GPC6: variants seen among roughly 807,000 people sequenced by gnomAD.
GPC6 encodes the protein glypican-6.
In GPC6, 14 loss-of-function variants were observed where a neutral mutation model predicts 55.2. That is an observed-to-expected ratio of 0.25 (90% CI 0.17 to 0.40). The LOEUF (loss-of-function observed/expected upper bound fraction) is 0.40, where lower values mean the gene tolerates loss of function less well. Ranked by LOEUF, GPC6 falls within the 10% of genes least tolerant of loss-of-function variation. The pLI is 1.00. For missense variants in GPC6, 641 were observed against 708.5 expected (o/e 0.90, Z 1.08); for synonymous variants, 278 against 259.6 (o/e 1.07, Z -0.68).
chr13:93,468,029 A>G (rs1878979026), intron 1 of GPC6, among the ~76,000 whole-genome samples: 2 of 152,156 alleles, frequency 1.3e-5, no homozygotes, highest in Admixed American at 1.3e-4. Flanking sequence ...TGATTTTTTT[A>G]TCCACAGATA....
At chr13:93,231,343 A>AGTCTGGTATTAT (rs1876009750) in intron 1 of GPC6, among the ~76,000 whole-genome samples, 1 of 42,208 alleles carries the variant, frequency 2.4e-5, no homozygotes, top group Non-Finnish European at 4.7e-5. Flanking sequence ...ATATATATAT[A>AGTCTGGTATTAT]TACATATATA....
intron 3 of GPC6, among the ~76,000 whole-genome samples, chr13:93,898,321 C>T (rs889780329): frequency 6.6e-6 from 1 of 152,066 alleles, no homozygotes; most frequent in African/African-American, 2.4e-5. Context: ...CCTCTGTGGG[C>T]TCACATTCTA....
At chr13:94,222,413 G>A (rs1890411190) in intron 4 of GPC6, among the ~76,000 whole-genome samples, 1 of 152,040 alleles carries the variant, frequency 6.6e-6, no homozygotes, top group African/African-American at 2.4e-5. Context: ...TTTTGCTTCT[G>A]GAGAACATGT....
chr13:93,258,322 G>A (rs1877025320), intron 1 of GPC6, among the ~76,000 whole-genome samples: 2 of 152,114 alleles, frequency 1.3e-5, no homozygotes, highest in Non-Finnish European at 2.9e-5. Flanking sequence ...AGGTAGCAGT[G>A]GCCAAATGGC....
At chr13:94,074,640 T>C (rs1884844985) in intron 4 of GPC6, among the ~76,000 whole-genome samples, 1 of 152,206 alleles carries the variant, frequency 6.6e-6, no homozygotes, top group Admixed American at 6.5e-5. Context: ...GAGCAGACAA[T>C]TACCCCAAAT....
At chr13:93,589,725 G>A (rs932572642) in intron 2 of GPC6, among the ~76,000 whole-genome samples, 1 of 152,164 alleles carries the variant, frequency 6.6e-6, no homozygotes, top group African/African-American at 2.4e-5. Flanking sequence ...ATTAGTAAAT[G>A]CATTTATTGT....
chr13:93,801,502 G>A (rs1438252858), intron 2 of GPC6, among the ~76,000 whole-genome samples: 3 of 152,092 alleles, frequency 2.0e-5, no homozygotes, highest in African/African-American at 7.2e-5. Flanking sequence ...AGCAGGATAG[G>A]ATATGCTTTG....
intron 3 of GPC6, among the ~76,000 whole-genome samples, chr13:93,913,270 G>C (rs79324942): frequency 6.6e-6 from 1 of 152,196 alleles, no homozygotes; most frequent in Non-Finnish European, 1.5e-5. Context: ...CCAAAGGCGA[G>C]GAATGTGCCG....
intron 3 of GPC6, among the ~76,000 whole-genome samples, chr13:93,906,161 A>G (rs1463791047): frequency 6.6e-6 from 1 of 151,674 alleles, no homozygotes; most frequent in Non-Finnish European, 1.5e-5. Context: ...TTTCTCTCTC[A>G]TTCTCTCTCT....
intron 1 of GPC6, among the ~76,000 whole-genome samples, chr13:93,317,647 C>T (rs1472085255): frequency 6.6e-6 from 1 of 152,158 alleles, no homozygotes; most frequent in Admixed American, 6.6e-5. Flanking sequence ...TGCTGAACCT[C>T]TGTGGTGCCT....
At chr13:93,507,174 A>G (rs1404765672) in intron 1 of GPC6, among the ~76,000 whole-genome samples, 2 of 151,952 alleles carry the variant, frequency 1.3e-5, no homozygotes, top group Non-Finnish European at 2.9e-5. Flanking sequence ...TAAACAGGAA[A>G]GTAGGAAAGT....
chr13:93,941,669 C>A (rs1321845198), intron 3 of GPC6, among the ~76,000 whole-genome samples: 1 of 152,174 alleles, frequency 6.6e-6, no homozygotes, highest in African/African-American at 2.4e-5. Context: ...TGTGGAGATT[C>A]TTTGACTGTC....
At chr13:93,658,254 C>T (rs1239148839) in intron 2 of GPC6, among the ~76,000 whole-genome samples, 1 of 151,974 alleles carries the variant, frequency 6.6e-6, no homozygotes, top group African/African-American at 2.4e-5. Context: ...ATTTCTCTTA[C>T]AATTCATTGT....
At position 93,982,855 on chromosome 13, in the gene GPC6, C is replaced by A. The variant is rs1208160389; in HGVS notation, c.712-44874C>A. The stretch of plus-strand genomic sequence containing the variant: ...TAGGGTCAGACTGCAGCTCTACTTC[C>A]CATAGCTATACTCAAAAGATTATAA... On this transcript the variant is annotated intron_variant, in intron 3 of 8. Transcript: ENST00000377047. Among the ~76,000 whole-genome samples, 3 of 152,118 alleles carry A rather than the reference C, an allele frequency of 2.0e-5. No homozygotes were observed. In the East Asian group the frequency reaches 5.8e-4, roughly 29 times the overall value.
rs1879208482 is a variant in GPC6 at position 93,315,243 on chromosome 13, G to A, written c.160+87627G>A. ...AGAGATATGTTGTTTGTTATGAACA[G>A]GATGTTACTATGAAATTTTTTGAAG... is the stretch of plus-strand genomic sequence containing the variant. On this transcript the variant is annotated intron_variant, in intron 1 of 8. Coordinates refer to ENST00000377047, the MANE Select transcript of GPC6 (RefSeq NM_005708.5). 3.3e-5 allele frequency among the ~76,000 whole-genome samples: 5 copies of A among 152,032 alleles called. No homozygotes were observed. In the East Asian group the frequency reaches 5.8e-4, roughly 18 times the overall value.
rs181374217 is a variant in GPC6 at position 93,820,545 on chromosome 13, A to G, written c.320-9609A>G. 3.8e-3 allele frequency among the ~76,000 whole-genome samples: 583 copies of G among 151,688 alleles called. 3 individuals are homozygous for G. The highest frequency in any genetic ancestry group is 0.018 in the South Asian group (86 of 4,810). On this transcript the variant is annotated intron_variant, in intron 2 of 8. Transcript: ENST00000377047. ...ATTATATTTTGTTGCAGGGCCTTTG[A>G]TAGTTTTTGTAAGATGTTAAAAGAT...
intron 3 of GPC6, among the ~76,000 whole-genome samples, chr13:93,892,082 A>G (rs1430202962): frequency 1.3e-5 from 2 of 152,136 alleles, no homozygotes; most frequent in Admixed American, 6.5e-5. Flanking sequence ...ACATGTACAC[A>G]CTACACATAC....
At chr13:93,413,942 G>A (rs939865317) in intron 1 of GPC6, among the ~76,000 whole-genome samples, 2 of 152,192 alleles carry the variant, frequency 1.3e-5, no homozygotes, top group African/African-American at 4.8e-5. Context: ...TATAAAATGT[G>A]TTTCCTTTCA....
At chr13:93,225,567 G>A (rs959467433), upstream of GPC6, among the ~76,000 whole-genome samples, 1 of 151,944 alleles carries the variant, frequency 6.6e-6, no homozygotes, top group Non-Finnish European at 1.5e-5. Context: ...AGACAAAGTG[G>A]CTCTGTAAAT....
Sources: gnomAD v4.1 joint callset for allele counts (sites outside exome capture counted in the v4.1 genomes callset) on GRCh38, gnomAD v4.1.1 for gene constraint, MANE v1.5 for transcripts, NCBI Gene and HGNC (gene_info 2026-07-23, HGNC 2026-07-21) for gene names.